HS3ST4: variants seen among roughly 807,000 people sequenced by gnomAD.
HS3ST4 encodes heparan sulfate glucosamine 3-O-sulfotransferase 4.
A neutral mutation model predicts 29.2 loss-of-function variants in HS3ST4; 17 were observed. That is an observed-to-expected ratio of 0.58 (90% CI 0.40 to 0.87). The LOEUF (loss-of-function observed/expected upper bound fraction) is 0.87. HS3ST4 is among the 40% of genes least tolerant of loss of function. The pLI is 0.00. For missense variants in HS3ST4, 627 were observed against 634.5 expected (o/e 0.99, Z 0.13); for synonymous variants, 314 against 285.7 (o/e 1.10, Z -1.00).
chr16:25,917,945 T>C lies in HS3ST4; in HGVS notation c.735-217667T>C, dbSNP rs1596613555. 2.0e-5 allele frequency among the ~76,000 whole-genome samples: 3 copies of C among 152,278 alleles called. No individual in the cohort carries two copies. The East Asian group carries it at 5.8e-4, about 29-fold the overall frequency. ...GGCAAAGCTTGCCCTGGGCTATAAA[T>C]TTATTGATTCACCCCATCCATGCTT... On this transcript the variant is annotated intron_variant, in intron 1 of 1. Coordinates refer to ENST00000331351, the MANE Select transcript of HS3ST4 (RefSeq NM_006040.3).
At chr16:25,863,312 AC>A in intron 1 of HS3ST4, among the ~76,000 whole-genome samples, 1 of 151,448 alleles carries the variant, frequency 6.6e-6, no homozygotes, top group South Asian at 2.1e-4. Flanking sequence ...CAATCTCTTG[AC>A]CTCCTGATCT....
chr16:25,873,616 C>G (rs115104152), intron 1 of HS3ST4, among the ~76,000 whole-genome samples: 4,710 of 150,716 alleles, frequency 0.031, 77 homozygotes, highest in South Asian at 0.064. Context: ...ATCCACCCAT[C>G]AATCTACCCA....
chr16:25,990,806 A>T (rs1427648206), intron 1 of HS3ST4, among the ~76,000 whole-genome samples: 1 of 152,202 alleles, frequency 6.6e-6, no homozygotes, highest in African/African-American at 2.4e-5. Context: ...GGTCAATTTT[A>T]AAAAAATGAT....
chr16:26,090,754 G>T (rs920627824), intron 1 of HS3ST4, among the ~76,000 whole-genome samples: 19 of 152,126 alleles, frequency 1.2e-4, no homozygotes, highest in Non-Finnish European at 1.2e-4. Flanking sequence ...AAGAAAATTG[G>T]TAAAACTGAG....
At chr16:25,731,458 A>G (rs996211650) in intron 1 of HS3ST4, among the ~76,000 whole-genome samples, 2 of 152,060 alleles carry the variant, frequency 1.3e-5, no homozygotes, top group Non-Finnish European at 2.9e-5. Context: ...CTCCCACCTC[A>G]GCCTCTTGTG....
chr16:25,927,680 G>C (rs1968418921), intron 1 of HS3ST4, among the ~76,000 whole-genome samples: 1 of 151,624 alleles, frequency 6.6e-6, no homozygotes, highest in South Asian at 2.1e-4. Flanking sequence ...CTCAGCCCCA[G>C]CTCGCTGTTT....
At chr16:25,952,360 TA>T (rs1968690603) in intron 1 of HS3ST4, among the ~76,000 whole-genome samples, 1 of 152,144 alleles carries the variant, frequency 6.6e-6, no homozygotes, top group African/African-American at 2.4e-5. Flanking sequence ...TGGAGTGATA[TA>T]GGGGGGTATG....
chr16:25,718,713 C>T (rs1966474205), intron 1 of HS3ST4, among the ~76,000 whole-genome samples: 1 of 152,120 alleles, frequency 6.6e-6, no homozygotes, highest in South Asian at 2.1e-4. Context: ...GATTTTGAGA[C>T]ATCTATGTAT....
chr16:25,894,715 AG>A (rs1329674584), intron 1 of HS3ST4, among the ~76,000 whole-genome samples: 2 of 152,024 alleles, frequency 1.3e-5, no homozygotes, highest in Admixed American at 1.3e-4. Flanking sequence ...CATGTTGGCC[AG>A]GCTGGTCTCG....
At chr16:25,942,333 G>A (rs1968579907) in intron 1 of HS3ST4, among the ~76,000 whole-genome samples, 1 of 152,170 alleles carries the variant, frequency 6.6e-6, no homozygotes, top group African/African-American at 2.4e-5. Flanking sequence ...AACCAGTGAA[G>A]AGTTCTGAAT....
rs577541679 is a variant in HS3ST4 at position 25,878,927 on chromosome 16, A to G, written c.734+185776A>G. ...TTATGGTTCCTGGTAGTGGGCTCTCAGAAGGGCTAAAGGAAGCTCTGTGCT... is the reference window on the plus strand; with the variant it reads ...TTATGGTTCCTGGTAGTGGGCTCTCGGAAGGGCTAAAGGAAGCTCTGTGCT... On this transcript the variant is annotated intron_variant, in intron 1 of 1. Transcript: ENST00000331351. Among the ~76,000 whole-genome samples the G allele has an allele frequency of 9.0e-3, 1,364 of 152,274 alleles. 12 individuals are homozygous for G. The highest frequency in any genetic ancestry group is 0.015 in the Non-Finnish European group (1,007 of 68,002).
chr16:26,117,724 T>C (rs1452174451), intron 1 of HS3ST4, among the ~76,000 whole-genome samples: 1 of 152,210 alleles, frequency 6.6e-6, no homozygotes. Flanking sequence ...GTGGCCTCTT[T>C]GGGTGTACAA....
Position 26,137,080 on chromosome 16 carries a change from G to T in HS3ST4, c.*832G>T, listed in dbSNP as rs1898294101. 1.3e-5 allele frequency: 2 copies of T among 151,940 alleles called. No homozygotes were observed. Among genetic ancestry groups the T allele is most frequent in the Non-Finnish European group, 1.5e-5 (1 of 68,070 alleles). The allele number at this position is 151,940 out of a possible 1,614,324, so 9.4% of individuals were successfully genotyped here. On this transcript the variant is annotated 3_prime_UTR_variant, in exon 2 of 2. Coordinates refer to ENST00000331351, the MANE Select transcript of HS3ST4 (RefSeq NM_006040.3). ...ATTGTAACCGAGGTCAGAGCTCTGG[G>T]GTTGGCAGAGATGAGTGGCCATATC... is the stretch of plus-strand genomic sequence containing the variant.
At chr16:26,106,561 C>A (rs1899060036) in intron 1 of HS3ST4, among the ~76,000 whole-genome samples, 1 of 152,186 alleles carries the variant, frequency 6.6e-6, no homozygotes, top group Non-Finnish European at 1.5e-5. Flanking sequence ...TATAGTCATG[C>A]AGCTCAAACC....
intron 1 of HS3ST4, among the ~76,000 whole-genome samples, chr16:25,711,859 C>G (rs1212438048): frequency 6.6e-6 from 1 of 152,178 alleles, no homozygotes; most frequent in Non-Finnish European, 1.5e-5. Flanking sequence ...GAACTCCTGG[C>G]CTCAAGTGAC....
At chr16:25,928,331 C>T (rs1322717015) in intron 1 of HS3ST4, among the ~76,000 whole-genome samples, 2 of 151,972 alleles carry the variant, frequency 1.3e-5, no homozygotes, top group African/African-American at 4.8e-5. Flanking sequence ...CACCATTGCA[C>T]TCCAGCCTGG....
At chr16:25,769,295 A>G (rs1201962737) in intron 1 of HS3ST4, among the ~76,000 whole-genome samples, 2 of 151,872 alleles carry the variant, frequency 1.3e-5, no homozygotes, top group East Asian at 3.9e-4. Flanking sequence ...TGTGCCCACC[A>G]TGTCATGGAG....
intron 1 of HS3ST4, among the ~76,000 whole-genome samples, chr16:25,705,199 G>T (rs1310662673): frequency 6.6e-6 from 1 of 152,188 alleles, no homozygotes; most frequent in Non-Finnish European, 1.5e-5. Flanking sequence ...GGGGCCCCCT[G>T]TTTGACTTTT....
intron 1 of HS3ST4, among the ~76,000 whole-genome samples, chr16:25,982,434 T>C (rs1353840515): frequency 6.6e-6 from 1 of 152,190 alleles, no homozygotes; most frequent in East Asian, 1.9e-4. Context: ...TCTCTTCCTT[T>C]GTCACAAGCA....
Sources: gnomAD v4.1 joint callset for allele counts (sites outside exome capture counted in the v4.1 genomes callset) on GRCh38, gnomAD v4.1.1 for gene constraint, MANE v1.5 for transcripts, NCBI Gene and HGNC (gene_info 2026-07-23, HGNC 2026-07-21) for gene names.